The following BANK1 variants were observed in gnomAD, a reference collection of about 807,000 sequenced individuals.
BANK1 encodes the protein B-cell scaffold protein with ankyrin repeats.
Under a neutral mutation model 94.5 loss-of-function variants are expected in BANK1, and 95 were observed. That is an observed-to-expected ratio of 1.00 (90% confidence interval 0.85 to 1.19). The LOEUF is 1.19. Ranked by LOEUF, BANK1 falls within the 50% of genes most tolerant of loss-of-function variation. The probability of loss-of-function intolerance (pLI) is 0.00; values close to 1 mark genes in which losing one functional copy is unlikely to be tolerated. For missense variants in BANK1, 987 were observed against 932.2 expected (o/e 1.06, Z -0.77); for synonymous variants, 334 against 308.4 (o/e 1.08, Z -0.87).
chr4:101,919,397 C>A (rs1722928071), intron 7 of BANK1, among the ~76,000 whole-genome samples: 1 of 151,852 alleles, frequency 6.6e-6, no homozygotes, highest in African/African-American at 2.4e-5. Flanking sequence ...CAGATTCAAC[C>A]CCATGCACAC....
intron 5 of BANK1, among the ~76,000 whole-genome samples, chr4:101,876,037 C>T (rs541204842): frequency 2.3e-4 from 35 of 152,098 alleles, no homozygotes; most frequent in Admixed American, 1.3e-4. Flanking sequence ...GTGGGGAGGA[C>T]TTTGTGTGGC....
At chr4:101,818,025 C>G (rs1199298023) in intron 1 of BANK1, among the ~76,000 whole-genome samples, 1 of 152,134 alleles carries the variant, frequency 6.6e-6, no homozygotes, top group Non-Finnish European at 1.5e-5. Flanking sequence ...CCTTCACACT[C>G]TGGCACAAAT....
At chr4:101,864,801 G>T (rs1728007055) in intron 4 of BANK1, among the ~76,000 whole-genome samples, 1 of 152,180 alleles carries the variant, frequency 6.6e-6, no homozygotes, top group Non-Finnish European at 1.5e-5. Context: ...TGAACTAGTG[G>T]TAACAGGCTT....
chr4:101,994,971 T>G (rs1224470657), intron 7 of BANK1, among the ~76,000 whole-genome samples: 1 of 152,170 alleles, frequency 6.6e-6, no homozygotes, highest in Non-Finnish European at 1.5e-5. Flanking sequence ...AATTATACTT[T>G]AAGTTTTGGG....
chr4:101,867,224 C>G (rs1462690580), intron 4 of BANK1, among the ~76,000 whole-genome samples: 2 of 144,642 alleles, frequency 1.4e-5, no homozygotes, highest in Non-Finnish European at 3.1e-5. Context: ...TCTTCAGAAA[C>G]CACACAAGCA....
chr4:101,927,145 G>T (rs1049583411), intron 7 of BANK1, among the ~76,000 whole-genome samples: 2 of 151,698 alleles, frequency 1.3e-5, no homozygotes, highest in Non-Finnish European at 3.0e-5. Context: ...CCACATGACT[G>T]GGGAGACCCC....
At chr4:101,943,225 A>G (rs1723810960) in intron 7 of BANK1, among the ~76,000 whole-genome samples, 1 of 152,012 alleles carries the variant, frequency 6.6e-6, no homozygotes, top group Non-Finnish European at 1.5e-5. Context: ...AAGTCATATT[A>G]GCAAATTAGT....
chr4:101,849,933 T>C (rs1727408972), intron 2 of BANK1, among the ~76,000 whole-genome samples: 1 of 152,204 alleles, frequency 6.6e-6, no homozygotes, highest in African/African-American at 2.4e-5. Flanking sequence ...AATACTATAT[T>C]CTCTGCACAT....
At chr4:102,013,518 C>T (rs1435799172) in intron 7 of BANK1, among the ~76,000 whole-genome samples, 3 of 152,028 alleles carry the variant, frequency 2.0e-5, no homozygotes, top group Admixed American at 6.6e-5. Flanking sequence ...GAGTACCTTA[C>T]ATATCATAGT....
chr4:101,995,738 G>A (rs907510657), intron 7 of BANK1, among the ~76,000 whole-genome samples: 2 of 151,794 alleles, frequency 1.3e-5, no homozygotes, highest in South Asian at 2.1e-4. Flanking sequence ...CCACATAAAT[G>A]TCTTCCTTTG....
At chr4:102,073,907 T>C (rs953781268) in intron 16 of BANK1, 98 bp from the exon 17 acceptor site, 5 of 550,186 alleles carry the variant, frequency 9.1e-6, no homozygotes, top group Middle Eastern at 9.6e-4. Flanking sequence ...GATTGCTCTG[T>C]AGAAAGATTT....
rs574032560 is a variant in BANK1, at chr4:101,996,210, C to T, written c.1207-25304C>T. 1.6e-4 allele frequency among the ~76,000 whole-genome samples: 25 copies of T among 152,088 alleles called. No individual in the cohort carries two copies. In the South Asian group the frequency reaches 4.8e-3, roughly 29 times the overall value. ...ATCCTTTCCCCATTGCTTATTTTTT[C>T]GAGGTTTGTCAAAGATCAGATGGTT... On this transcript the variant is annotated intron_variant, in intron 7 of 16. Transcript: ENST00000322953.
At chr4:101,959,976 A>C (rs1724512571) in intron 7 of BANK1, among the ~76,000 whole-genome samples, 1 of 152,208 alleles carries the variant, frequency 6.6e-6, no homozygotes, top group African/African-American at 2.4e-5. Context: ...GGATTCTGAC[A>C]TTGACCCATT....
At chr4:102,007,321 G>GCAT (rs1413322282) in intron 7 of BANK1, among the ~76,000 whole-genome samples, 1 of 150,344 alleles carries the variant, frequency 6.7e-6, no homozygotes, top group Non-Finnish European at 1.5e-5. Flanking sequence ...TAGCAAATGA[G>GCAT]CATCAGTAGG....
intron 7 of BANK1, among the ~76,000 whole-genome samples, chr4:101,994,424 G>C (rs913842805): frequency 2.0e-5 from 3 of 152,048 alleles, no homozygotes; most frequent in Non-Finnish European, 4.4e-5. Flanking sequence ...ACATTATTTT[G>C]TCTGCCCTAC....
In BANK1 at chr4:101,979,158, A is replaced by G. The variant is rs77979291; in HGVS notation, c.1207-42356A>G. Among the ~76,000 whole-genome samples, 134 of 152,142 alleles carry G rather than the reference A, an allele frequency of 8.8e-4. 2 individuals are homozygous for G. In the East Asian group the frequency reaches 0.024, roughly 28 times the overall value. ...ATGAGAAGAAATAAATTTAAGATAA[A>G]GTTTGCAAGATAATACCTGATGTAA... is the stretch of plus-strand genomic sequence containing the variant. On this transcript the variant is annotated intron_variant, in intron 7 of 16. Transcript: ENST00000322953.
At chr4:101,893,350 G>A (rs1379048338) in intron 5 of BANK1, among the ~76,000 whole-genome samples, 4 of 151,832 alleles carry the variant, frequency 2.6e-5, no homozygotes, top group East Asian at 1.9e-4. Flanking sequence ...TAACTTATAC[G>A]TGAGTGTAAT....
intron 2 of BANK1, among the ~76,000 whole-genome samples, chr4:101,842,107 T>C (rs1727070330): frequency 1.3e-5 from 2 of 152,160 alleles, no homozygotes; most frequent in Admixed American, 1.3e-4. Flanking sequence ...TAATATCTCC[T>C]CAAACATTGT....
chr4:101,893,178 TTAAC>T (rs1346005160), intron 5 of BANK1, among the ~76,000 whole-genome samples: 4 of 152,016 alleles, frequency 2.6e-5, no homozygotes, highest in Non-Finnish European at 5.9e-5. Context: ...TTTTTAAAAT[TTAAC>T]TATATTATCT....
Sources: gnomAD v4.1 joint callset for allele counts (sites outside exome capture counted in the v4.1 genomes callset) on GRCh38, gnomAD v4.1.1 for gene constraint, MANE v1.5 for transcripts, NCBI Gene and HGNC (gene_info 2026-07-23, HGNC 2026-07-21) for gene names.